Variants in KIAA0586 observed in about 807,000 individuals in gnomAD.
The protein encoded by KIAA0586 is protein TALPID3.
KIAA0586 carries 144 observed loss-of-function variants against 169.8 expected under a neutral mutation model. The ratio of observed to expected loss-of-function variants is 0.85; its 90% CI spans 0.74 to 0.97. The LOEUF (loss-of-function observed/expected upper bound fraction) is 0.97, where lower values mean the gene tolerates loss of function less well. KIAA0586 is among the 50% of genes least tolerant of loss of function. The probability of loss-of-function intolerance (pLI) is 0.00; values close to 1 mark genes in which losing one functional copy is unlikely to be tolerated. For missense variants in KIAA0586, 1,854 were observed against 1,823.0 expected (o/e 1.02, Z -0.31); for synonymous variants, 625 against 612.4 (o/e 1.02, Z -0.30).
At chr14:58,521,019 AAAG>A (rs2045178359) in intron 29 of KIAA0586, 1 of 315,414 alleles carries the variant, frequency 3.2e-6, no homozygotes, top group Non-Finnish European at 5.9e-6. Flanking sequence ...CCCGGGATAA[AAAG>A]AAGAAAGGCC....
chr14:58,488,986 G>A (rs904202909), intron 24 of KIAA0586, 112 bp downstream of exon 24: 4 of 1,197,728 alleles, frequency 3.3e-6, no homozygotes, highest in African/African-American at 3.1e-5. Flanking sequence ...ACATGGTATA[G>A]TAGAAAGAAT....
At chr14:58,478,203 A>G (rs1427221234) in intron 20 of KIAA0586, among the ~76,000 whole-genome samples, 2 of 152,180 alleles carry the variant, frequency 1.3e-5, no homozygotes, top group East Asian at 3.8e-4. Flanking sequence ...TTTTGGGTCC[A>G]GGCACACAGT....
chr14:58,520,617 G>A (rs1595469968), intron 29 of KIAA0586, among the ~76,000 whole-genome samples: 1 of 152,190 alleles, frequency 6.6e-6, no homozygotes, highest in South Asian at 2.1e-4. Context: ...TGACCTCCCG[G>A]TCTCAAGCAA....
intron 3 of KIAA0586, among the ~76,000 whole-genome samples, chr14:58,431,676 A>G (rs1036197727): frequency 6.6e-6 from 1 of 152,204 alleles, no homozygotes; most frequent in Non-Finnish European, 1.5e-5. Context: ...GGTCATTTTA[A>G]CGATATTGAT....
intron 30 of KIAA0586, among the ~76,000 whole-genome samples, chr14:58,545,181 GTCTGTT>G (rs2046904265): frequency 6.6e-6 from 1 of 152,160 alleles, no homozygotes; most frequent in Non-Finnish European, 1.5e-5. Flanking sequence ...CAGTTGCCTT[GTCTGTT>G]TCTGAGAATT....
intron 12 of KIAA0586, 90 bp downstream of exon 12, chr14:58,458,635 ATTTC>A: frequency 1.5e-6 from 1 of 653,968 alleles, no homozygotes; most frequent in Non-Finnish European, 2.5e-6. Context: ...TTTTCAAAAT[ATTTC>A]TTATATAAAA....
intron 4 of KIAA0586, among the ~76,000 whole-genome samples, chr14:58,437,901 A>G (rs1203377848): frequency 6.6e-6 from 1 of 152,100 alleles, no homozygotes; most frequent in African/African-American, 2.4e-5. Context: ...CAAACATTTA[A>G]GGAGTATGTG....
chr14:58,525,443 G>A (rs985302576), intron 29 of KIAA0586, among the ~76,000 whole-genome samples: 9 of 151,962 alleles, frequency 5.9e-5, no homozygotes, highest in African/African-American at 1.2e-4. Context: ...TGCCTCACCC[G>A]TGAAGTGCAA....
Position 58,462,270 on chromosome 14 carries a change from C to T in KIAA0586, c.2059+1110C>T, listed in dbSNP as rs1389033927. The stretch of plus-strand genomic sequence containing the variant: ...GCTTTTTTTTTTTTTTTTTTTGAGA[C>T]GGAGTCTTGCTCTGTCATCCAGGCT... On this transcript the variant is annotated intron_variant, in intron 14 of 30. Coordinates refer to ENST00000652326, the MANE Select transcript of KIAA0586 (RefSeq NM_001329943.3). 7.9e-5 allele frequency among the ~76,000 whole-genome samples: 9 copies of T among 114,336 alleles called. 1 individual carries two copies. Among genetic ancestry groups the T allele is most frequent in the Admixed American group, 1.1e-4 (1 of 8,748 alleles). 75.0% of individuals were successfully genotyped at this position (114,336 alleles called of 152,430 possible).
chr14:58,484,147 G>C (rs1287106054), intron 21 of KIAA0586, among the ~76,000 whole-genome samples: 1 of 152,068 alleles, frequency 6.6e-6, no homozygotes, highest in Non-Finnish European at 1.5e-5. Flanking sequence ...TGAATTCCAA[G>C]CTCCACTACT....
At chr14:58,470,435 T>A (rs1386373222) in intron 16 of KIAA0586, among the ~76,000 whole-genome samples, 178 bp from the exon 17 acceptor site, 1 of 152,180 alleles carries the variant, frequency 6.6e-6, no homozygotes, top group African/African-American at 2.4e-5. Context: ...TTATAAAATA[T>A]GCTTTCATAA....
intron 15 of KIAA0586, 98 bp from the exon 16 acceptor site, chr14:58,467,637 T>A (rs542870801): frequency 1.0e-5 from 9 of 873,162 alleles, no homozygotes; most frequent in South Asian, 3.9e-5. Flanking sequence ...AGGGCTTTTT[T>A]AAATATGAGA....
intron 19 of KIAA0586, 40 bp from the exon 20 acceptor site, chr14:58,477,083 T>G: frequency 1.8e-6 from 2 of 1,084,006 alleles, no homozygotes; most frequent in Non-Finnish European, 2.7e-6. Flanking sequence ...TCAATCAAAT[T>G]GAGGAATCTT....
chr14:58,455,240 ATACTT>A (rs2039721605), intron 9 of KIAA0586, among the ~76,000 whole-genome samples: 1 of 6,510 alleles, frequency 1.5e-4, no homozygotes, highest in Non-Finnish European at 7.7e-3. Flanking sequence ...CTTCATTCTT[ATACTT>A]TCCTTTAATT....
At chr14:58,522,235 A>G (rs2045278914) in intron 29 of KIAA0586, among the ~76,000 whole-genome samples, 1 of 152,124 alleles carries the variant, frequency 6.6e-6, no homozygotes. Context: ...TAATTTTGAT[A>G]CTTCTTTATG....
At chr14:58,466,569 CA>C (rs892887613) in intron 15 of KIAA0586, among the ~76,000 whole-genome samples, 20 of 145,994 alleles carry the variant, frequency 1.4e-4, no homozygotes, top group Admixed American at 3.4e-4. Context: ...GACCTTGTCT[CA>C]AAAAAAAAAA....
intron 14 of KIAA0586, chr14:58,463,966 G>A (rs76361380): frequency 0.015 from 6,819 of 443,664 alleles, 96 homozygotes; most frequent in Non-Finnish European, 0.021. Context: ...CCAAGACCTT[G>A]CAGGACCTCA....
intron 30 of KIAA0586, among the ~76,000 whole-genome samples, chr14:58,541,700 T>C (rs565325520): frequency 1.3e-5 from 2 of 152,368 alleles, no homozygotes; most frequent in South Asian, 4.1e-4. Context: ...AATTTCTTTA[T>C]GAATTTTAAA....
At chr14:58,467,651 T>C in intron 15 of KIAA0586, 84 bp from the exon 16 acceptor site, 1 of 974,668 alleles carries the variant, frequency 1.0e-6, no homozygotes, top group East Asian at 2.4e-5. Flanking sequence ...TATGAGAATA[T>C]AGCCATTAAG....
Sources: gnomAD v4.1 joint callset for allele counts (sites outside exome capture counted in the v4.1 genomes callset) on GRCh38, gnomAD v4.1.1 for gene constraint, MANE v1.5 for transcripts, NCBI Gene and HGNC (gene_info 2026-07-23, HGNC 2026-07-21) for gene names.